The following GMPR2 variants were observed in gnomAD, a reference collection of about 807,000 sequenced individuals.
The protein encoded by GMPR2 is guanosine monophosphate reductase 2.
Under a neutral mutation model 38.5 loss-of-function variants are expected in GMPR2, and 32 were observed. That is an observed-to-expected ratio of 0.83 (90% confidence interval 0.63 to 1.12). The LOEUF is 1.12. Among genes scored for constraint, GMPR2 ranks in the 50% most tolerant of loss-of-function variants. The probability of loss-of-function intolerance (pLI) is 0.00; values close to 1 mark genes in which losing one functional copy is unlikely to be tolerated. For synonymous variants in GMPR2, 154 were observed against 151.0 expected (o/e 1.02, Z -0.15); for missense variants, 396 against 432.1 (o/e 0.92, Z 0.74).
At chr14:24,233,737 C>T in intron 3 of GMPR2, 139 bp downstream of exon 3, 1 of 936,338 alleles carries the variant, frequency 1.1e-6, no homozygotes, top group Admixed American at 1.9e-5. Flanking sequence ...CGGTTTTTTC[C>T]ACTACTGAAG....
chr14:24,233,002 C>T (rs2040123179), intron 1 of GMPR2, 25 bp downstream of exon 1: 1 of 610,084 alleles, frequency 1.6e-6, no homozygotes, highest in South Asian at 1.9e-5. Flanking sequence ...GTCAGGGTCT[C>T]TCACAACCCT....
At chr14:24,234,756 C>A (rs1360908239) in intron 3 of GMPR2, among the ~76,000 whole-genome samples, 1 of 152,210 alleles carries the variant, frequency 6.6e-6, no homozygotes, top group East Asian at 1.9e-4. Flanking sequence ...CCACACTCTG[C>A]CAGTATATCT....
intron 8 of GMPR2, 199 bp downstream of exon 8, chr14:24,237,761 C>T: frequency 4.9e-6 from 3 of 610,782 alleles, no homozygotes; most frequent in South Asian, 3.9e-5. Flanking sequence ...CCAGGGCCAT[C>T]TGACCATCTC....
At position 24,238,630 on chromosome 14, in the gene GMPR2, A is replaced by T. The variant is rs761278184; in HGVS notation, c.899A>T (p.Asp300Val). 2.0e-5 allele frequency: 32 copies of T among 1,614,006 alleles called. No individual in the cohort carries two copies. In the African/African-American group the frequency reaches 3.1e-4, roughly 15 times the overall value. ...GKTVEVPFKG[D>V]VEHTIRDILG... Reference sequence around the variant, plus strand: ...ACAGTGGAAGTTCCTTTTAAAGGAGATGTGGAACATACCATCCGAGACATC... The same window carrying T: ...ACAGTGGAAGTTCCTTTTAAAGGAGTTGTGGAACATACCATCCGAGACATC... The change falls in exon 10 of 10, where the codon GAT becomes GTT. Residue 300 changes from aspartate to valine, a missense_variant. Asp to Val is a radical substitution (Grantham distance 152). Coordinates refer to ENST00000399440, the MANE Select transcript of GMPR2 (RefSeq NM_001002002.3).
intron 3 of GMPR2, 76 bp from the exon 4 acceptor site, chr14:24,235,661 T>G: frequency 1.2e-5 from 12 of 964,122 alleles, no homozygotes; most frequent in Non-Finnish European, 1.8e-5. Context: ...CTCCCTCAGA[T>G]AGAATAGGTC....
At chr14:24,235,381 C>T in intron 3 of GMPR2, 1 of 302,072 alleles carries the variant, frequency 3.3e-6, no homozygotes, top group South Asian at 4.5e-5. Flanking sequence ...TGCAGAGAAA[C>T]ACAGGCTCCA....
Position 24,238,928 on chromosome 14 carries a change from TTCTC to T in GMPR2, c.*152_*155del. 1.4e-6 allele frequency: 1 copy of T among 721,302 alleles called. No homozygotes were observed. 44.7% of individuals were successfully genotyped at this position (721,302 alleles called of 1,614,324 possible). On this transcript the variant is annotated 3_prime_UTR_variant, in exon 10 of 10. Transcript: ENST00000399440. ...GAGGGCTCCTGCAGTAACTCTGTAC[TTCTC>T]TATCTGCACACACAAAATGCCCAAG...
In GMPR2 at chr14:24,238,408, ATG is replaced by A; in HGVS notation, c.857+8_857+9del. The A allele has an allele frequency of 1.2e-6, 2 of 1,614,008 alleles. No individual in the cohort carries two copies. The highest frequency in any genetic ancestry group is 1.7e-6 in the Non-Finnish European group (2 of 1,179,998). On this transcript the variant is annotated splice_donor_5th_base_variant and intron_variant, in intron 9 of 9. Transcript: ENST00000399440. ...GCTGGGGGCGTGGCTGAGTACAGGTATGTGTGGAGGCCCAGGAGCTTAGTAAT... is the reference window on the plus strand; with the variant it reads ...GCTGGGGGCGTGGCTGAGTACAGGTATGTGGAGGCCCAGGAGCTTAGTAAT...
chr14:24,234,100 CTTT>C (rs2040219418), intron 3 of GMPR2: 2 of 1,287,838 alleles, frequency 1.6e-6, no homozygotes, highest in East Asian at 5.5e-5. Flanking sequence ...TCTTCCTCTT[CTTT>C]AAGTCCTAGG....
chr14:24,237,595 T>C, intron 8 of GMPR2, 33 bp downstream of exon 8: 1 of 1,586,592 alleles, frequency 6.3e-7, no homozygotes, highest in Non-Finnish European at 8.7e-7. Context: ...AGGATGATTC[T>C]ATACAAGAGG....
intron 3 of GMPR2, 174 bp downstream of exon 3, chr14:24,233,772 G>C: frequency 2.8e-6 from 2 of 711,360 alleles, no homozygotes; most frequent in Non-Finnish European, 4.9e-6. Context: ...AGTTCAAAAG[G>C]CCATCTGAAT....
chr14:24,233,368 C>T, intron 2 of GMPR2, 28 bp downstream of exon 2: 2 of 1,612,384 alleles, frequency 1.2e-6, no homozygotes, highest in Non-Finnish European at 1.7e-6. Flanking sequence ...CTTGCTGTTT[C>T]TTGACCCCAC....
chr14:24,233,891 C>A, intron 3 of GMPR2: 1 of 544,724 alleles, frequency 1.8e-6, no homozygotes, highest in Non-Finnish European at 3.2e-6. Flanking sequence ...TTCCCACCAC[C>A]CAGGTCACCC....
Position 24,239,240 on chromosome 14 carries a change from A to G in GMPR2, c.*462A>G. The G allele has an allele frequency of 2.8e-6, 1 of 361,620 alleles. No individual in the cohort carries two copies. The highest frequency in any genetic ancestry group is 5.4e-6 in the Non-Finnish European group (1 of 186,394). The allele number at this position is 361,620 out of a possible 1,614,324, so 22.4% of individuals were successfully genotyped here. A position where few individuals can be genotyped will look rare whatever the true frequency, so the allele number is the denominator to read the frequency against. The stretch of plus-strand genomic sequence containing the variant: ...AATAAAGAGAGAGCTCATTGACTGT[A>G]AAGAGATGCTGGGGCTTTCTGTACA... On this transcript the variant is annotated 3_prime_UTR_variant, in exon 10 of 10. Coordinates refer to ENST00000399440, the MANE Select transcript of GMPR2 (RefSeq NM_001002002.3).
At position 24,237,372 on chromosome 14, in the gene GMPR2, A is replaced by G. The variant is rs776886701; in HGVS notation, c.654+21A>G. On this transcript the variant is annotated intron_variant, in intron 7 of 9. Transcript: ENST00000399440. ...TTTCAGTAAGGCTCAAGGGCAGGGT[A>G]GGGTATGAGCGGGGTTTCTGCAGGG... 60 of 1,524,958 alleles carry G rather than the reference A, an allele frequency of 3.9e-5. No homozygotes were observed. The African/African-American group carries it at 6.6e-4, about 17-fold the overall frequency. 94.5% of individuals were successfully genotyped at this position (1,524,958 alleles called of 1,614,324 possible).
At chr14:24,235,337 T>A (rs59824028) in intron 3 of GMPR2, 8,181 of 207,198 alleles carry the variant, frequency 0.039, 733 homozygotes, top group African/African-American at 0.18. Context: ...AATAGTTTAG[T>A]ACTAGGTTAC....
In GMPR2 at chr14:24,235,785, C is replaced by G. The variant is rs747165513; in HGVS notation, c.256C>G (p.Gln86Glu). 1 of 1,613,646 alleles carries G rather than the reference C, an allele frequency of 6.2e-7. No individual in the cohort carries two copies. The highest frequency in any genetic ancestry group is 1.7e-5 in the Admixed American group (1 of 60,022). ...VHKHYSLVQW[Q>E]EFAGQNPDCL... is the part of the protein sequence containing the mutation. The stretch of plus-strand genomic sequence containing the variant: ...TAAGCACTATAGCCTCGTTCAGTGG[C>G]AAGAGTTTGCTGGCCAGAATCCTGA... The change falls in exon 4 of 10, where the codon CAA (glutamine) becomes GAA (glutamate). Residue 86 changes from glutamine (Q) to glutamate (E), a missense_variant. Physicochemically the swap from Gln to Glu is conservative, Grantham distance 29. Coordinates refer to ENST00000399440, the MANE Select transcript of GMPR2 (RefSeq NM_001002002.3).
At chr14:24,236,568 T>C (rs2040354197) in intron 5 of GMPR2, among the ~76,000 whole-genome samples, 1 of 152,224 alleles carries the variant, frequency 6.6e-6, no homozygotes, top group African/African-American at 2.4e-5. Flanking sequence ...GCCAATCAAC[T>C]GGTCAAATGG....
chr14:24,235,659 G>A (rs2040302208), intron 3 of GMPR2, 78 bp from the exon 4 acceptor site: 1 of 967,078 alleles, frequency 1.0e-6, no homozygotes, highest in Admixed American at 1.7e-5. Flanking sequence ...TCCTCCCTCA[G>A]ATAGAATAGG....
Sources: gnomAD v4.1 joint callset for allele counts (sites outside exome capture counted in the v4.1 genomes callset) on GRCh38, gnomAD v4.1.1 for gene constraint, MANE v1.5 for transcripts, NCBI Gene and HGNC (gene_info 2026-07-23, HGNC 2026-07-21) for gene names.